STAU2: variants seen among roughly 807,000 people sequenced by gnomAD.
STAU2 encodes double-stranded RNA-binding protein Staufen homolog 2.
Under a neutral mutation model 65.9 loss-of-function variants are expected in STAU2, and 20 were observed. The observed-to-expected ratio is 0.30, with a 90% CI of 0.21 to 0.44. The LOEUF (loss-of-function observed/expected upper bound fraction) is 0.44. Among genes scored for constraint, STAU2 ranks in the 20% least tolerant of loss-of-function variants. The probability of loss-of-function intolerance (pLI) is 1.00; values close to 1 mark genes in which losing one functional copy is unlikely to be tolerated. For synonymous variants in STAU2, 232 were observed against 233.9 expected (o/e 0.99, Z 0.07); for missense variants, 558 against 683.9 (o/e 0.82, Z 2.05).
At chr8:73,692,990 G>C (rs574988480) in intron 4 of STAU2, among the ~76,000 whole-genome samples, 1 of 151,628 alleles carries the variant, frequency 6.6e-6, no homozygotes, top group Admixed American at 6.6e-5. Context: ...GGAGACCTCA[G>C]CACTACCACA....
chr8:73,655,450 T>C (rs2130272886), intron 6 of STAU2, among the ~76,000 whole-genome samples: 1 of 152,200 alleles, frequency 6.6e-6, no homozygotes, highest in Middle Eastern at 3.4e-3. Flanking sequence ...CATTTCATCC[T>C]AATTTCATAT....
At chr8:73,573,859 C>T (rs1044615676) in intron 12 of STAU2, among the ~76,000 whole-genome samples, 1 of 151,692 alleles carries the variant, frequency 6.6e-6, no homozygotes, top group Admixed American at 6.7e-5. Context: ...GAGTTCATGA[C>T]TAAAACACCA....
rs1817801824 is a variant in STAU2, at chr8:73,673,151, T to C, written c.366A>G (p.Pro122=). Residue 122 remains proline (P), a synonymous_variant, in exon 6 of 15, where the codon CCA becomes CCG. Transcript: ENST00000524300. ...GAAAGTTGTAATTAGCTCTATAATTTGGGAATGGCTTTGGATCTAATGGCC... is the reference window on the plus strand; with the variant it reads ...GAAAGTTGTAATTAGCTCTATAATTCGGGAATGGCTTTGGATCTAATGGCC... The part of the protein sequence containing the change: ...IYRPLDPKPF[P]NYRANYNFRG... 5 of 1,600,762 alleles carry C rather than the reference T, an allele frequency of 3.1e-6. No homozygotes were observed. The East Asian group carries it at 9.0e-5, about 29-fold the overall frequency.
intron 13 of STAU2, among the ~76,000 whole-genome samples, chr8:73,424,555 A>G (rs1816656335): frequency 6.6e-6 from 1 of 151,898 alleles, no homozygotes; most frequent in African/African-American, 2.4e-5. Context: ...GCTCCTTTTT[A>G]TTGCTGAATA....
intron 12 of STAU2, chr8:73,561,603 T>C: frequency 2.2e-6 from 1 of 448,814 alleles, no homozygotes. Context: ...AGTGACCTGA[T>C]CTCTCAGCAG....
At chr8:73,458,124 T>A (rs1819165698) in intron 13 of STAU2, among the ~76,000 whole-genome samples, 1 of 152,240 alleles carries the variant, frequency 6.6e-6, no homozygotes, top group African/African-American at 2.4e-5. Flanking sequence ...AAATTTGACT[T>A]TTAAAATTTC....
chr8:73,608,922 G>A (rs1282714646), intron 9 of STAU2, among the ~76,000 whole-genome samples: 3 of 152,120 alleles, frequency 2.0e-5, no homozygotes, highest in Non-Finnish European at 4.4e-5. Flanking sequence ...AGGTTGCAGT[G>A]AGCCGAGACA....
chr8:73,533,256 T>C (rs1954431434), intron 13 of STAU2, among the ~76,000 whole-genome samples: 1 of 152,248 alleles, frequency 6.6e-6, no homozygotes, highest in Non-Finnish European at 1.5e-5. Context: ...TCAACTACTA[T>C]AAATTGATAT....
chr8:73,659,515 C>T (rs367856894), intron 6 of STAU2, among the ~76,000 whole-genome samples: 3 of 152,054 alleles, frequency 2.0e-5, no homozygotes, highest in Non-Finnish European at 4.4e-5. Context: ...CCAGCCTGGG[C>T]AACAAGAGCG....
intron 13 of STAU2, among the ~76,000 whole-genome samples, chr8:73,459,097 G>T (rs941798579): frequency 1.3e-5 from 2 of 152,124 alleles, no homozygotes; most frequent in Non-Finnish European, 2.9e-5. Context: ...TTTTCAAAAA[G>T]AACTTTCCTA....
chr8:73,458,876 T>C (rs773759640), intron 13 of STAU2: 2 of 152,230 alleles, frequency 1.3e-5, no homozygotes, highest in African/African-American at 2.4e-5. Context: ...CATTGCCCCA[T>C]CCGATCCTAG....
At chr8:73,553,994 T>C (rs78238459) in intron 12 of STAU2, among the ~76,000 whole-genome samples, 8,981 of 152,178 alleles carry the variant, frequency 0.059, 691 homozygotes, top group African/African-American at 0.18. Context: ...TCCTTGATTC[T>C]CTGTGTTTGT....
intron 13 of STAU2, among the ~76,000 whole-genome samples, chr8:73,515,680 G>C (rs1032722843): frequency 6.6e-6 from 1 of 151,698 alleles, no homozygotes; most frequent in South Asian, 2.1e-4. Flanking sequence ...TCTAGGTGAG[G>C]ATCCCAGCAA....
intron 6 of STAU2, among the ~76,000 whole-genome samples, chr8:73,659,511 T>C (rs1469495048): frequency 6.6e-6 from 1 of 152,194 alleles, no homozygotes; most frequent in African/African-American, 2.4e-5. Context: ...CACTCCAGCC[T>C]GGGCAACAAG....
intron 6 of STAU2, among the ~76,000 whole-genome samples, chr8:73,641,084 T>A (rs547447354): frequency 2.0e-5 from 3 of 152,254 alleles, no homozygotes; most frequent in Non-Finnish European, 4.4e-5. Context: ...AGTTATATTA[T>A]GCCAAATTTA....
At chr8:73,740,493 G>A (rs923901160) in intron 1 of STAU2, among the ~76,000 whole-genome samples, 10 of 152,096 alleles carry the variant, frequency 6.6e-5, no homozygotes, top group Non-Finnish European at 1.5e-4. Flanking sequence ...CAAAAAATGA[G>A]ATTATTCACA....
At chr8:73,510,429 T>C (rs1244984810) in intron 13 of STAU2, among the ~76,000 whole-genome samples, 2 of 152,214 alleles carry the variant, frequency 1.3e-5, no homozygotes, top group Non-Finnish European at 2.9e-5. Flanking sequence ...GTCAAATTTG[T>C]ACAAATAGTA....
At chr8:73,747,290 C>T, upstream of STAU2, 1 of 1,416,996 alleles carries the variant, frequency 7.1e-7, no homozygotes, top group Non-Finnish European at 9.5e-7. Context: ...CCTGGGGCAG[C>T]CCCTTCCACA....
At chr8:73,535,105 AG>A (rs1806093411) in intron 13 of STAU2, among the ~76,000 whole-genome samples, 1 of 152,192 alleles carries the variant, frequency 6.6e-6, no homozygotes, top group African/African-American at 2.4e-5. Context: ...AGCGTTGTTT[AG>A]GGGGATAATA....
Sources: allele counts gnomAD v4.1 joint callset (sites outside exome capture counted in the v4.1 genomes callset), GRCh38; gene constraint gnomAD v4.1.1; transcripts MANE v1.5; gene names NCBI Gene and HGNC (gene_info 2026-07-23, HGNC 2026-07-21).